The following LRRK2 variants were observed in gnomAD, a reference collection of about 807,000 sequenced individuals.
LRRK2 encodes leucine rich repeat kinase 2.
A neutral mutation model predicts 302.6 loss-of-function variants in LRRK2; 203 were observed. That is an observed-to-expected ratio of 0.67 (90% CI 0.60 to 0.75). The LOEUF (loss-of-function observed/expected upper bound fraction) is 0.75, where lower values mean the gene tolerates loss of function less well. Ranked by LOEUF, LRRK2 falls within the 30% of genes least tolerant of loss-of-function variation. The probability of loss-of-function intolerance (pLI) is 0.00; values close to 1 mark genes in which losing one functional copy is unlikely to be tolerated. For synonymous variants in LRRK2, 1,066 were observed against 1,031.9 expected (o/e 1.03, Z -0.63); for missense variants, 2,830 against 2,951.0 (o/e 0.96, Z 0.95).
At chr12:40,298,643 G>C (rs1052732076) in intron 24 of LRRK2, 150 bp downstream of exon 24, 5 of 967,836 alleles carry the variant, frequency 5.2e-6, no homozygotes. Context: ...GTGGTGGTGC[G>C]CACCTTATAA....
intron 28 of LRRK2, among the ~76,000 whole-genome samples, chr12:40,306,678 A>G (rs1241173977): frequency 6.6e-6 from 1 of 152,190 alleles, no homozygotes; most frequent in Non-Finnish European, 1.5e-5. Context: ...GGCAGAGACC[A>G]TGGCTGTGTT....
chr12:40,277,855 C>T lies in LRRK2; in HGVS notation c.1942-33C>T, dbSNP rs1442815626. 3.2e-6 allele frequency: 5 copies of T among 1,542,234 alleles called. No homozygotes were observed. In the East Asian group the frequency reaches 7.2e-5, roughly 22 times the overall value. On this transcript the variant is annotated intron_variant, in intron 16 of 50. Coordinates refer to ENST00000298910, the MANE Select transcript of LRRK2 (RefSeq NM_198578.4). ...TGTTTATTCATTTTGCCTGTAATTGCTTATTTTATTATTTTTTTTCTTATA... is the reference window on the plus strand; with the variant it reads ...TGTTTATTCATTTTGCCTGTAATTGTTTATTTTATTATTTTTTTTCTTATA...
At chr12:40,346,638 GT>G in intron 41 of LRRK2, 114 bp from the exon 42 acceptor site, 1 of 962,692 alleles carries the variant, frequency 1.0e-6, no homozygotes, top group Non-Finnish European at 1.6e-6. Flanking sequence ...ACACAGCCTG[GT>G]TTAGAACATC....
At chr12:40,334,921 A>T in intron 39 of LRRK2, 46 bp from the exon 40 acceptor site, 1 of 1,605,232 alleles carries the variant, frequency 6.2e-7, no homozygotes, top group Non-Finnish European at 8.5e-7. Context: ...ATACGTGGGT[A>T]AAACCTGATG....
At chr12:40,366,441 A>G (rs1946882831) in intron 49 of LRRK2, 1 of 152,698 alleles carries the variant, frequency 6.5e-6, no homozygotes, top group South Asian at 2.0e-4. Flanking sequence ...TCTCTTCACT[A>G]GAATATAAAC....
chr12:40,305,639 C>A, intron 27 of LRRK2, 146 bp from the exon 28 acceptor site: 1 of 749,696 alleles, frequency 1.3e-6, no homozygotes. Context: ...TTATGACAAA[C>A]CTTTGGAAAG....
chr12:40,282,130 CTCCCCTCCCCTCCCT>C (rs1177394370), intron 18 of LRRK2, among the ~76,000 whole-genome samples: 2 of 117,074 alleles, frequency 1.7e-5, no homozygotes, highest in Non-Finnish European at 3.6e-5. Flanking sequence ...CTCCCCTCCC[CTCCCCTCCCCTCCCT>C]TCTCCTTTCT....
chr12:40,334,189 A>C (rs1945800511), intron 39 of LRRK2, among the ~76,000 whole-genome samples: 1 of 152,206 alleles, frequency 6.6e-6, no homozygotes, highest in Non-Finnish European at 1.5e-5. Flanking sequence ...TGGGCTGAGA[A>C]GGATACTGTG....
chr12:40,335,557 C>T (rs1945843784), intron 40 of LRRK2, among the ~76,000 whole-genome samples: 1 of 152,110 alleles, frequency 6.6e-6, no homozygotes, highest in Non-Finnish European at 1.5e-5. Flanking sequence ...TTCGGCATGA[C>T]CATCTCACAT....
Position 40,305,950 on chromosome 12 carries a change from G to A in LRRK2, c.3943G>A (p.Ala1315Thr). 6.2e-7 allele frequency: 1 copy of A among 1,609,640 alleles called. No homozygotes were observed. The highest frequency in any genetic ancestry group is 8.5e-7 in the Non-Finnish European group (1 of 1,176,946). Reference sequence around the variant, plus strand: ...TGATTTTAAACATATAGGATGTAAAGCCAAAGACATCATAAGGTTAGATAA... The same window carrying A: ...TGATTTTAAACATATAGGATGTAAAACCAAAGACATCATAAGGTTAGATAA... ...NFDFKHIGCK[A>T]KDIIRFLQQR... The change falls in exon 28 of 51, where the codon GCC becomes ACC. Residue 1315 changes from alanine (A) to threonine (T), a missense_variant. Ala to Thr is a moderately conservative substitution (Grantham distance 58, BLOSUM62 0). Around this residue, in one of 3 missense-constraint regions of LRRK2, gnomAD observed 2,121 missense variants for 2,148.0 expected, o/e 0.99. Coordinates refer to ENST00000298910, the MANE Select transcript of LRRK2 (RefSeq NM_198578.4).
chr12:40,298,840 T>A (rs1394162924), intron 24 of LRRK2, among the ~76,000 whole-genome samples: 2 of 107,442 alleles, frequency 1.9e-5, no homozygotes, highest in African/African-American at 3.6e-5. Context: ...TTATATATAT[T>A]TATTATATAT....
rs1216400208 is a variant in LRRK2 at position 40,364,926 on chromosome 12, C to T, written c.7266C>T (p.Asn2422=). The T allele has an allele frequency of 3.1e-6, 5 of 1,612,468 alleles. No individual in the cohort carries two copies. The highest frequency in any genetic ancestry group is 4.2e-6 in the Non-Finnish European group (5 of 1,179,112). ...TGAAAACCCTCTGCCTTCAGAAGAACACTGCTCTTTGGATAGGAACTGGAG... is the reference window on the plus strand; with the variant it reads ...TGAAAACCCTCTGCCTTCAGAAGAATACTGCTCTTTGGATAGGAACTGGAG... The part of the protein sequence containing the change: ...GRVKTLCLQK[N]TALWIGTGGG... The change falls in exon 49 of 51, where the codon AAC becomes AAT. Residue 2422 remains asparagine, a synonymous_variant. Coordinates refer to ENST00000298910, the MANE Select transcript of LRRK2 (RefSeq NM_198578.4).
At chr12:40,274,185 G>GTAAA (rs1943351429) in intron 14 of LRRK2, among the ~76,000 whole-genome samples, 1 of 152,162 alleles carries the variant, frequency 6.6e-6, no homozygotes, top group Non-Finnish European at 1.5e-5. Context: ...TACTGGTCAA[G>GTAAA]TATGTAGACT....
chr12:40,276,012 T>G, intron 16 of LRRK2, among the ~76,000 whole-genome samples: 1 of 152,300 alleles, frequency 6.6e-6, no homozygotes, highest in Non-Finnish European at 1.5e-5. Context: ...AGAGAATATG[T>G]GTAAAGTTTT....
chr12:40,265,454 C>T (rs1004398503), intron 14 of LRRK2, among the ~76,000 whole-genome samples: 6 of 152,128 alleles, frequency 3.9e-5, no homozygotes, highest in African/African-American at 1.4e-4. Flanking sequence ...TCAGGGTGGG[C>T]TTACTAGTAA....
chr12:40,332,339 A>T (rs549651970), intron 39 of LRRK2, among the ~76,000 whole-genome samples: 61 of 152,292 alleles, frequency 4.0e-4, no homozygotes, highest in Non-Finnish European at 8.1e-4. Flanking sequence ...TTATTCCTGT[A>T]TTCTCTCTTG....
In LRRK2 at chr12:40,353,544, C is replaced by T. The variant is rs189078277; in HGVS notation, c.6577-755C>T. ...GGCTCCTCACATCCCAGACGATGGG[C>T]GGCCAGGCAGAGACGCTCCTCACTT... On this transcript the variant is annotated intron_variant, in intron 44 of 50. Coordinates refer to ENST00000298910, the MANE Select transcript of LRRK2 (RefSeq NM_198578.4). Among the ~76,000 whole-genome samples, 730 of 151,408 alleles carry T rather than the reference C, an allele frequency of 4.8e-3. 11 individuals are homozygous for T. The highest frequency in any genetic ancestry group is 0.017 in the African/African-American group (697 of 41,320).
chr12:40,329,244 G>T (rs1307721835), intron 39 of LRRK2, among the ~76,000 whole-genome samples: 2 of 152,052 alleles, frequency 1.3e-5, no homozygotes, highest in African/African-American at 4.8e-5. Flanking sequence ...AAAATTGGTT[G>T]CATTAATTTT....
chr12:40,285,630 A>G (rs1297098741), intron 19 of LRRK2, among the ~76,000 whole-genome samples: 1 of 152,082 alleles, frequency 6.6e-6, no homozygotes, highest in East Asian at 1.9e-4. Flanking sequence ...ATGTACAAAA[A>G]TGCACATTAA....
Sources: allele counts gnomAD v4.1 joint callset (sites outside exome capture counted in the v4.1 genomes callset), GRCh38; gene constraint gnomAD v4.1.1; regional missense constraint gnomAD v4.1.1; transcripts MANE v1.5; gene names NCBI Gene and HGNC (gene_info 2026-07-23, HGNC 2026-07-21).